MYO1E: variants seen among roughly 807,000 people sequenced by gnomAD.
The protein encoded by MYO1E is myosin IE.
In MYO1E, 68 loss-of-function variants were observed where a neutral mutation model predicts 151.1. That is an observed-to-expected ratio of 0.45 (90% CI 0.37 to 0.55). MYO1E has a LOEUF of 0.55. MYO1E is among the 20% of genes least tolerant of loss of function. The pLI is 0.00. For synonymous variants in MYO1E, 601 were observed against 501.7 expected (o/e 1.20, Z -2.64); for missense variants, 1,363 against 1,389.3 (o/e 0.98, Z 0.30).
chr15:59,198,740 A>C (rs1216980828), intron 16 of MYO1E, among the ~76,000 whole-genome samples: 1 of 151,816 alleles, frequency 6.6e-6, no homozygotes, highest in East Asian at 1.9e-4. Flanking sequence ...GATCGCTTGA[A>C]TCTGGGAGGC....
intron 4 of MYO1E, among the ~76,000 whole-genome samples, chr15:59,253,563 A>C (rs145471432): frequency 0.01 from 1,551 of 150,928 alleles, 32 homozygotes; most frequent in African/African-American, 0.036. Flanking sequence ...CTCACTGAAA[A>C]CTCTGCTTCC....
At chr15:59,183,163 G>A (rs922868450) in intron 18 of MYO1E, among the ~76,000 whole-genome samples, 1 of 26,330 alleles carries the variant, frequency 3.8e-5, no homozygotes, top group Non-Finnish European at 8.1e-5. Flanking sequence ...TGCCTTAGAC[G>A]GGAAAAAAGA....
At chr15:59,317,296 T>C (rs2080595210) in intron 1 of MYO1E, among the ~76,000 whole-genome samples, 1 of 152,222 alleles carries the variant, frequency 6.6e-6, no homozygotes, top group African/African-American at 2.4e-5. Flanking sequence ...ATAAGAGCTG[T>C]GTATGCTAAG....
At chr15:59,356,365 C>T (rs538205742) in intron 1 of MYO1E, among the ~76,000 whole-genome samples, 12 of 152,214 alleles carry the variant, frequency 7.9e-5, no homozygotes, top group South Asian at 2.1e-4. Flanking sequence ...GAAAGGCTTG[C>T]GACATTCAAA....
At chr15:59,229,623 T>C (rs1293626134) in intron 6 of MYO1E, among the ~76,000 whole-genome samples, 1 of 152,244 alleles carries the variant, frequency 6.6e-6, no homozygotes, top group African/African-American at 2.4e-5. Flanking sequence ...GCCAGATACA[T>C]AGATGTTCAT....
chr15:59,203,940 G>C (rs1204001227), intron 15 of MYO1E, among the ~76,000 whole-genome samples: 1 of 152,164 alleles, frequency 6.6e-6, no homozygotes, highest in Non-Finnish European at 1.5e-5. Context: ...AGTCTCCCCA[G>C]CAGTCTACTT....
chr15:59,217,776 C>T, intron 10 of MYO1E, 115 bp downstream of exon 10: 1 of 1,184,862 alleles, frequency 8.4e-7, no homozygotes, highest in Non-Finnish European at 1.3e-6. Context: ...GATCCTCCCA[C>T]CTTGGCCTCT....
Position 59,208,846 on chromosome 15 carries a change from G to T in MYO1E, c.1365C>A (p.Asn455Lys). The T allele has an allele frequency of 6.2e-7, 1 of 1,614,152 alleles. No homozygotes were observed. The highest frequency in any genetic ancestry group is 2.2e-5 in the East Asian group (1 of 44,884). Residue 455 changes from asparagine to lysine, a missense_variant and splice_region_variant, in exon 14 of 28, where the codon AAC becomes AAA. Asn to Lys is a moderately conservative substitution (Grantham distance 94, BLOSUM62 0). Transcript: ENST00000288235. Reference protein sequence around the residue: ...IVCDLIENKVNPPGIMSILDD... With the variant: ...IVCDLIENKVKPPGIMSILDD... ...CCAGGATGCTCATGATGCCAGGAGG[G>T]TTCTGATGGGAGCAAGAAGGCAAGG...
chr15:59,208,434 GT>G, intron 14 of MYO1E: 1 of 596,190 alleles, frequency 1.7e-6, no homozygotes, highest in Admixed American at 3.0e-5. Context: ...ATTCTTGCTG[GT>G]TTATACCTAT....
chr15:59,146,712 T>G lies in MYO1E; in HGVS notation c.3080+6878A>C, dbSNP rs532256227. On this transcript the variant is annotated intron_variant, in intron 26 of 27. Transcript: ENST00000288235. ...AGGCTCATTATATATATAATATATA[T>G]TACTTATATTGTATATATTATTTAT... Among the ~76,000 whole-genome samples, 264 of 148,622 alleles carry G rather than the reference T, an allele frequency of 1.8e-3. 4 individuals carry two copies. Among genetic ancestry groups the G allele is most frequent in the Admixed American group, 7.4e-3 (110 of 14,846 alleles).
At chr15:59,165,213 A>G (rs1261610895) in intron 22 of MYO1E, among the ~76,000 whole-genome samples, 1 of 152,140 alleles carries the variant, frequency 6.6e-6, no homozygotes, top group Non-Finnish European at 1.5e-5. Context: ...CCACAGCACA[A>G]TTGGATAGGA....
chr15:59,283,106 A>G (rs2080367322), intron 1 of MYO1E, among the ~76,000 whole-genome samples: 1 of 150,456 alleles, frequency 6.6e-6, no homozygotes, highest in African/African-American at 2.4e-5. Flanking sequence ...CGGTCAGAGG[A>G]CAGTGGCTGC....
intron 26 of MYO1E, among the ~76,000 whole-genome samples, chr15:59,141,833 G>T (rs542399604): frequency 6.7e-6 from 1 of 150,238 alleles, no homozygotes; most frequent in Non-Finnish European, 1.5e-5. Flanking sequence ...GGGTGCAGTG[G>T]CTCACGCCTG....
intron 1 of MYO1E, among the ~76,000 whole-genome samples, chr15:59,331,662 T>A (rs2080698855): frequency 6.6e-6 from 1 of 152,150 alleles, no homozygotes. Flanking sequence ...AATCCCAAAT[T>A]TTCAACAACT....
intron 1 of MYO1E, among the ~76,000 whole-genome samples, chr15:59,274,982 A>G (rs1472738985): frequency 6.6e-6 from 1 of 152,200 alleles, no homozygotes; most frequent in Non-Finnish European, 1.5e-5. Flanking sequence ...CAAAGGAATT[A>G]GTTATTTGAT....
chr15:59,297,027 GTTT>G (rs1172285611), intron 1 of MYO1E, among the ~76,000 whole-genome samples: 1 of 29,130 alleles, frequency 3.4e-5, no homozygotes, highest in Non-Finnish European at 9.9e-5. Flanking sequence ...AATTTTTTGT[GTTT>G]TTTTGTAGAG....
At chr15:59,323,799 C>G (rs2080644136) in intron 1 of MYO1E, among the ~76,000 whole-genome samples, 1 of 152,042 alleles carries the variant, frequency 6.6e-6, no homozygotes, top group South Asian at 2.1e-4. Context: ...AAATAGCAGG[C>G]TTGGGACAAA....
In MYO1E at chr15:59,362,284, T is replaced by C. The variant is rs191551007; in HGVS notation, c.3+10214A>G. Among the ~76,000 whole-genome samples, 7 of 152,376 alleles carry C rather than the reference T, an allele frequency of 4.6e-5. No homozygotes were observed. The East Asian group carries it at 1.2e-3, about 25-fold the overall frequency. On this transcript the variant is annotated intron_variant, in intron 1 of 27. Transcript: ENST00000288235. ...ATGCGTCTTTCTACAACTTGCTTCT[T>C]TACCAAACACTACCCTTGTGACACC...
intron 1 of MYO1E, among the ~76,000 whole-genome samples, chr15:59,279,433 G>A (rs2080340407): frequency 2.0e-5 from 3 of 152,194 alleles, no homozygotes; most frequent in African/African-American, 7.2e-5. Context: ...GACTGTCTCA[G>A]GCTGCTAGGT....
Sources: allele counts gnomAD v4.1 joint callset (sites outside exome capture counted in the v4.1 genomes callset), GRCh38; gene constraint gnomAD v4.1.1; transcripts MANE v1.5; gene names NCBI Gene and HGNC (gene_info 2026-07-23, HGNC 2026-07-21).